CFAP54: variants seen among roughly 807,000 people sequenced by gnomAD.
CFAP54 encodes cilia and flagella associated protein 54, also known as cilia- and flagella-associated protein 54.
In CFAP54, 290 loss-of-function variants were observed where a neutral mutation model predicts 370.4. The observed-to-expected ratio is 0.78, with a 90% CI of 0.71 to 0.86. The LOEUF is 0.86. CFAP54 is among the 40% of genes least tolerant of loss of function. CFAP54 has a pLI of 0.00. For synonymous variants in CFAP54, 1,206 were observed against 1,236.5 expected, an observed-to-expected ratio of 0.98 and a Z score of 0.52; for missense variants, 3,399 against 3,528.7, an observed-to-expected ratio of 0.96 and a Z score of 0.93.
chr12:96,783,666 C>G (rs1260391149), intron 60 of CFAP54, among the ~76,000 whole-genome samples: 5 of 152,124 alleles, frequency 3.3e-5, no homozygotes, highest in African/African-American at 1.2e-4. Context: ...GCAGGTGAAT[C>G]ACCTGAGGTC....
At position 96,527,431 on chromosome 12, in the gene CFAP54, A is replaced by G; in HGVS notation, c.1344A>G (p.Lys448=). 1.3e-6 allele frequency: 2 copies of G among 1,517,148 alleles called. No individual in the cohort carries two copies. Among genetic ancestry groups the G allele is most frequent in the Non-Finnish European group, 1.8e-6 (2 of 1,136,074 alleles). The allele number at this position is 1,517,148 out of a possible 1,614,324, so 94.0% of individuals were successfully genotyped here. ...DVVSELFMAG[K]ELLIMSNIGA... ...TCTCAGAATTGTTTATGGCAGGAAA[A>G]GAACTTTTGATAAGTAAATAAGATG... The change falls in exon 9 of 68, where the codon AAA becomes AAG. Residue 448 remains lysine (K), a synonymous_variant. Transcript: ENST00000524981.
At chr12:96,514,130 T>G (rs1955204804) in intron 5 of CFAP54, among the ~76,000 whole-genome samples, 2 of 152,222 alleles carry the variant, frequency 1.3e-5, no homozygotes, top group Admixed American at 6.5e-5. Flanking sequence ...GTTGAGACCC[T>G]GCTTGAGTTG....
intron 64 of CFAP54, among the ~76,000 whole-genome samples, chr12:96,813,092 AT>A (rs781171033): frequency 1.3e-5 from 2 of 152,188 alleles, no homozygotes; most frequent in Non-Finnish European, 2.9e-5. Flanking sequence ...AGAAATGTAG[AT>A]TTTTCCAGCC....
intron 50 of CFAP54, among the ~76,000 whole-genome samples, chr12:96,725,880 C>G (rs1443842133): frequency 6.6e-6 from 1 of 151,012 alleles, no homozygotes; most frequent in South Asian, 2.1e-4. Flanking sequence ...GAGTTTTTAG[C>G]ATGAAGGGTT....
intron 66 of CFAP54, among the ~76,000 whole-genome samples, chr12:96,830,835 AC>A (rs1959168735): frequency 6.7e-6 from 1 of 150,372 alleles, no homozygotes; most frequent in African/African-American, 2.4e-5. Context: ...AGCGCCCCAT[AC>A]CTGGCTAATT....
At chr12:96,660,283 G>A (rs1240457995) in intron 38 of CFAP54, among the ~76,000 whole-genome samples, 1 of 152,202 alleles carries the variant, frequency 6.6e-6, no homozygotes, top group Admixed American at 6.5e-5. Flanking sequence ...ATGGGAGAAA[G>A]AGGAGGCTGC....
At chr12:96,661,585 GC>G (rs1472177504) in intron 38 of CFAP54, among the ~76,000 whole-genome samples, 1 of 152,210 alleles carries the variant, frequency 6.6e-6, no homozygotes, top group East Asian at 1.9e-4. Flanking sequence ...TGTAGAAGCA[GC>G]TGCTGCTGGT....
At chr12:96,502,725 G>T (rs1219740859) in intron 2 of CFAP54, among the ~76,000 whole-genome samples, 4 of 152,148 alleles carry the variant, frequency 2.6e-5, no homozygotes, top group African/African-American at 9.7e-5. Flanking sequence ...GCTGAGGAAG[G>T]GTTGCAAGTG....
chr12:96,828,326 AT>A (rs1391694455), intron 65 of CFAP54, among the ~76,000 whole-genome samples: 2 of 151,778 alleles, frequency 1.3e-5, no homozygotes, highest in African/African-American at 4.8e-5. Context: ...AGTCACAGAA[AT>A]TTGAACTGGC....
At chr12:96,549,667 T>G (rs1047722418) in intron 15 of CFAP54, among the ~76,000 whole-genome samples, 2 of 152,244 alleles carry the variant, frequency 1.3e-5, no homozygotes, top group Non-Finnish European at 2.9e-5. Flanking sequence ...TTTTGTCTTT[T>G]TGAGTATAAG....
At chr12:96,631,901 G>A (rs929228673) in intron 32 of CFAP54, among the ~76,000 whole-genome samples, 1 of 151,376 alleles carries the variant, frequency 6.6e-6, no homozygotes, top group African/African-American at 2.4e-5. Flanking sequence ...ACAGCGTTGC[G>A]GTTTTCAAGA....
At chr12:96,627,668 A>G (rs1363716822) in intron 30 of CFAP54, among the ~76,000 whole-genome samples, 2 of 152,234 alleles carry the variant, frequency 1.3e-5, no homozygotes, top group Non-Finnish European at 2.9e-5. Context: ...AGCTTAGAGT[A>G]TATATATGCT....
At chr12:96,765,013 C>T in intron 59 of CFAP54, 64 bp from the exon 60 acceptor site, 1 of 1,201,366 alleles carries the variant, frequency 8.3e-7, no homozygotes, top group Non-Finnish European at 1.1e-6. Context: ...CATTATTTAC[C>T]TAATAGATAA....
chr12:96,663,180 C>G (rs1160514879), intron 38 of CFAP54, among the ~76,000 whole-genome samples: 1 of 152,072 alleles, frequency 6.6e-6, no homozygotes, highest in South Asian at 2.1e-4. Flanking sequence ...GCATTTACTT[C>G]TCATTATAAA....
At chr12:96,645,193 G>C in intron 33 of CFAP54, 1 of 456,468 alleles carries the variant, frequency 2.2e-6, no homozygotes, top group South Asian at 1.5e-5. Context: ...CTTTGGCTAA[G>C]TGCTGTGAGA....
rs1247561827 is a variant in CFAP54, at chr12:96,564,631, T to C, written c.2498-13T>C. On this transcript the variant is annotated splice_polypyrimidine_tract_variant and intron_variant, in intron 18 of 67. Coordinates refer to ENST00000524981, the MANE Select transcript of CFAP54 (RefSeq NM_001306084.2). ...TTAATCTCACCTTTTTGGTAAAATG[T>C]TTGTTTTTATAGAATTAAATATAAT... 3.1e-6 allele frequency: 2 copies of C among 648,468 alleles called. No individual in the cohort carries two copies. The highest frequency in any genetic ancestry group is 1.8e-5 in the African/African-American group (1 of 54,710). The allele number at this position is 648,468 out of a possible 1,614,324, so 40.2% of individuals were successfully genotyped here. A position where few individuals can be genotyped will look rare whatever the true frequency, so the allele number is the denominator to read the frequency against.
chr12:96,535,430 A>T, intron 11 of CFAP54, 85 bp from the exon 12 acceptor site: 1 of 738,292 alleles, frequency 1.4e-6, no homozygotes, highest in South Asian at 1.7e-5. Context: ...TCATTTTTTT[A>T]GCATATTTGT....
chr12:96,797,866 T>C (rs1010732688), intron 63 of CFAP54, among the ~76,000 whole-genome samples: 1 of 152,086 alleles, frequency 6.6e-6, no homozygotes, highest in African/African-American at 2.4e-5. Context: ...ATATTTGGTT[T>C]AAATCTACCT....
At position 96,757,508 on chromosome 12, in the gene CFAP54, T is replaced by C; in HGVS notation, c.7960T>C (p.Ser2654Pro). 6.3e-7 allele frequency: 1 copy of C among 1,585,304 alleles called. No individual in the cohort carries two copies. Among genetic ancestry groups the C allele is most frequent in the Non-Finnish European group, 8.6e-7 (1 of 1,157,814 alleles). The change falls in exon 58 of 68, where the codon TCC becomes CCC. Residue 2654 changes from serine (S) to proline (P), a missense_variant. Ser to Pro is a moderately conservative substitution (Grantham distance 74). Around this residue, in one of 3 missense-constraint regions of CFAP54, gnomAD observed 2,796 missense variants for 2,869.7 expected, o/e 0.97. Coordinates refer to ENST00000524981, the MANE Select transcript of CFAP54 (RefSeq NM_001306084.2). Reference protein sequence around the residue: ...NDQNSGLIRDSYLEMALLYFH... With the variant: ...NDQNSGLIRDPYLEMALLYFH... ...ATATCATTTTAGATTGATAAGAGAC[T>C]CCTACCTAGAAATGGCTCTATTGTA... is the stretch of plus-strand genomic sequence containing the variant.
Sources: gnomAD v4.1 joint callset for allele counts (sites outside exome capture counted in the v4.1 genomes callset) on GRCh38, gnomAD v4.1.1 for gene constraint, gnomAD v4.1.1 regional missense constraint, MANE v1.5 for transcripts, NCBI Gene and HGNC (gene_info 2026-07-23, HGNC 2026-07-21) for gene names.